Variants in LASP1 observed in about 807,000 individuals in gnomAD.
LASP1 encodes the protein LIM and SH3 domain protein 1.
Under a neutral mutation model 38.6 loss-of-function variants are expected in LASP1, and 10 were observed. The observed-to-expected ratio is 0.26, with a 90% CI of 0.16 to 0.44. LASP1 has a LOEUF of 0.44. LASP1 is among the 20% of genes least tolerant of loss of function. LASP1 has a pLI of 1.00. For synonymous variants in LASP1, 132 were observed against 140.8 expected (o/e 0.94, Z 0.44); for missense variants, 243 against 375.7 (o/e 0.65, Z 2.92).
chr17:38,887,201 G>A (rs530668364), intron 2 of LASP1, among the ~76,000 whole-genome samples: 119 of 152,100 alleles, frequency 7.8e-4, no homozygotes, highest in Non-Finnish European at 7.9e-4. Context: ...GAGCTGCCCG[G>A]AGGTCTCCTC....
intron 2 of LASP1, among the ~76,000 whole-genome samples, chr17:38,883,582 C>T (rs1230565163): frequency 6.6e-6 from 1 of 152,130 alleles, no homozygotes; most frequent in Non-Finnish European, 1.5e-5. Context: ...TCCCACCTCA[C>T]TTACCCCCAA....
At chr17:38,899,919 A>G (rs1369747153) in intron 4 of LASP1, among the ~76,000 whole-genome samples, 1 of 151,790 alleles carries the variant, frequency 6.6e-6, no homozygotes, top group East Asian at 1.9e-4. Flanking sequence ...TGGTAGAGAC[A>G]GGGTTTCACC....
intron 3 of LASP1, among the ~76,000 whole-genome samples, chr17:38,892,879 G>T (rs1376302330): frequency 3.9e-5 from 6 of 152,000 alleles, no homozygotes. Context: ...CTGGGTTCCC[G>T]GGGGGGCCTC....
At chr17:38,872,369 C>T (rs1321937811) in intron 1 of LASP1, among the ~76,000 whole-genome samples, 2 of 152,190 alleles carry the variant, frequency 1.3e-5, no homozygotes, top group Non-Finnish European at 2.9e-5. Context: ...GTGCCCTCCC[C>T]AGTTCTCTTA....
At chr17:38,889,355 C>T (rs547168011) in intron 2 of LASP1, among the ~76,000 whole-genome samples, 1 of 152,286 alleles carries the variant, frequency 6.6e-6, no homozygotes, top group East Asian at 1.9e-4. Flanking sequence ...TAGTCTTGAA[C>T]TCCTGACCTC....
In LASP1 at chr17:38,871,093, A is replaced by G. The variant is rs75354694; in HGVS notation, c.69+835A>G. Among the ~76,000 whole-genome samples, 134 of 127,164 alleles carry G rather than the reference A, an allele frequency of 1.1e-3. 2 individuals are homozygous for G. The East Asian group carries it at 0.027, about 26-fold the overall frequency. 83.4% of individuals were successfully genotyped at this position (127,164 alleles called of 152,430 possible). A position where few individuals can be genotyped will look rare whatever the true frequency, so the allele number is the denominator to read the frequency against. The stretch of plus-strand genomic sequence containing the variant: ...TAACTTTTCAAAGCAGGTTTCTCCA[A>G]TGGAGGGTGGGGTTGGCTGAGTTCT... On this transcript the variant is annotated intron_variant, in intron 1 of 6. Transcript: ENST00000318008.
intron 3 of LASP1, among the ~76,000 whole-genome samples, chr17:38,895,359 C>T (rs1027623591): frequency 1.3e-5 from 2 of 151,610 alleles, no homozygotes; most frequent in African/African-American, 2.4e-5. Flanking sequence ...TTTACTCTGT[C>T]GCCCAGCCTG....
chr17:38,905,723 G>A (rs756590945), intron 4 of LASP1, among the ~76,000 whole-genome samples: 1 of 152,074 alleles, frequency 6.6e-6, no homozygotes, highest in Non-Finnish European at 1.5e-5. Context: ...TTGCATTTCT[G>A]TGATTACTAA....
chr17:38,900,588 G>A (rs1421972511), intron 4 of LASP1, among the ~76,000 whole-genome samples: 1 of 152,058 alleles, frequency 6.6e-6, no homozygotes, highest in Non-Finnish European at 1.5e-5. Context: ...CAGAAGAACC[G>A]CTTGAACTCG....
chr17:38,878,921 G>C (rs1913859583), intron 2 of LASP1, among the ~76,000 whole-genome samples: 1 of 152,064 alleles, frequency 6.6e-6, no homozygotes, highest in South Asian at 2.1e-4. Context: ...AGGGAGTATA[G>C]AGGTGGGGTC....
chr17:38,891,487 T>C (rs934606147), intron 3 of LASP1, among the ~76,000 whole-genome samples: 5 of 152,084 alleles, frequency 3.3e-5, no homozygotes, highest in African/African-American at 1.2e-4. Flanking sequence ...GTGAGGAAGG[T>C]GCTATCTTCC....
intron 4 of LASP1, chr17:38,898,862 T>TG: frequency 2.4e-6 from 1 of 416,936 alleles, no homozygotes; most frequent in Non-Finnish European, 4.9e-6. Context: ...AGGTCAAAAC[T>TG]GGGGGGCGGG....
chr17:38,882,291 A>G (rs564894467), intron 2 of LASP1, among the ~76,000 whole-genome samples: 3 of 152,326 alleles, frequency 2.0e-5, no homozygotes, highest in Non-Finnish European at 4.4e-5. Flanking sequence ...TCTGTCGCTC[A>G]GGCTGGAGTG....
intron 4 of LASP1, chr17:38,903,560 A>G (rs901466867): frequency 6.6e-6 from 1 of 152,102 alleles, no homozygotes; most frequent in South Asian, 2.1e-4. Flanking sequence ...GGGTCTTGCT[A>G]TGCTGCCCAG....
chr17:38,898,811 C>A, intron 4 of LASP1: 1 of 499,936 alleles, frequency 2.0e-6, no homozygotes, highest in Non-Finnish European at 3.9e-6. Context: ...TTCTGGATAT[C>A]GTGGGTATCG....
At chr17:38,910,440 T>G (rs1475712187) in intron 4 of LASP1, among the ~76,000 whole-genome samples, 2 of 152,122 alleles carry the variant, frequency 1.3e-5, no homozygotes, top group Non-Finnish European at 2.9e-5. Context: ...TATTCCTCTT[T>G]TGGTTCTTCT....
At chr17:38,894,850 G>A (rs983607665) in intron 3 of LASP1, among the ~76,000 whole-genome samples, 8 of 151,810 alleles carry the variant, frequency 5.3e-5, no homozygotes, top group Non-Finnish European at 7.4e-5. Flanking sequence ...CGATTTTCTC[G>A]CCTCCACCTC....
Position 38,890,472 on chromosome 17 carries a change from C to T in LASP1, c.217C>T (p.Arg73Cys), listed in dbSNP as rs1914278259. 6.2e-7 allele frequency: 1 copy of T among 1,614,054 alleles called. No individual in the cohort carries two copies. Among genetic ancestry groups the T allele is most frequent in the Non-Finnish European group, 8.5e-7 (1 of 1,180,026 alleles). ...TMVADTPENLRLKQQSELQSQ... is the reference protein window; with the variant it reads ...TMVADTPENLCLKQQSELQSQ... ...GGTGGCGGACACCCCGGAAAACCTT[C>T]GCCTCAAGCAACAGAGTGAGCTCCA... is the stretch of plus-strand genomic sequence containing the variant. The change falls in exon 3 of 7, where the codon CGC (arginine) becomes TGC (cysteine). Residue 73 changes from arginine to cysteine, a missense_variant. Physicochemically the swap from Arg to Cys is radical, Grantham distance 180. Coordinates refer to ENST00000318008, the MANE Select transcript of LASP1 (RefSeq NM_006148.4).
chr17:38,903,714 T>C (rs1440875218), intron 4 of LASP1: 2 of 152,240 alleles, frequency 1.3e-5, no homozygotes, highest in East Asian at 1.9e-4. Context: ...ATCAATACTT[T>C]AAAGGCACAC....
Sources: gnomAD v4.1 joint callset for allele counts (sites outside exome capture counted in the v4.1 genomes callset) on GRCh38, gnomAD v4.1.1 for gene constraint, MANE v1.5 for transcripts, NCBI Gene and HGNC (gene_info 2026-07-23, HGNC 2026-07-21) for gene names.